MYOCD: variants seen among roughly 807,000 people sequenced by gnomAD.
MYOCD encodes myocardin.
A neutral mutation model predicts 96.1 loss-of-function variants in MYOCD; 32 were observed. That is an observed-to-expected ratio of 0.33 (90% confidence interval 0.25 to 0.45). MYOCD has a LOEUF of 0.45. Ranked by LOEUF, MYOCD falls within the 20% of genes least tolerant of loss-of-function variation. The pLI is 1.00. For missense variants in MYOCD, 1,133 were observed against 1,200.6 expected, an observed-to-expected ratio of 0.94 and a Z score of 0.83; for synonymous variants, 469 against 469.0, an observed-to-expected ratio of 1.00 and a Z score of 0.00.
At chr17:12,732,004 G>A (rs555608123) in intron 5 of MYOCD, among the ~76,000 whole-genome samples, 4 of 152,328 alleles carry the variant, frequency 2.6e-5, no homozygotes, top group African/African-American at 9.6e-5. Flanking sequence ...CCCATGGTGA[G>A]ATCTTGTGGC....
intron 1 of MYOCD, among the ~76,000 whole-genome samples, chr17:12,673,652 A>G (rs971946506): frequency 2.6e-5 from 4 of 152,244 alleles, no homozygotes; most frequent in African/African-American, 9.6e-5. Flanking sequence ...CATGTAAAGA[A>G]AGAAAATATT....
chr17:12,700,428 T>TTTTTTTTTC (rs397856913), intron 1 of MYOCD, among the ~76,000 whole-genome samples: 40 of 140,960 alleles, frequency 2.8e-4, no homozygotes, highest in Non-Finnish European at 5.1e-4. Flanking sequence ...TTTTTTTTTT[T>TTTTTTTTTC]GAGATGGAGT....
chr17:12,753,016 C>G lies in MYOCD; in HGVS notation c.1728C>G (p.Val576=). 6.2e-7 allele frequency: 1 copy of G among 1,614,162 alleles called. No homozygotes were observed. Among genetic ancestry groups the G allele is most frequent in the Non-Finnish European group, 8.5e-7 (1 of 1,180,014 alleles). ...LAASIKQEEA[V]SSCPFASQVP... is the part of the protein sequence containing the mutation. ...CCTCCATCAAGCAGGAAGAGGCTGTCTCCAGCTGTCCTTTTGCATCCCAAG... is the reference window on the plus strand; with the variant it reads ...CCTCCATCAAGCAGGAAGAGGCTGTGTCCAGCTGTCCTTTTGCATCCCAAG... The change falls in exon 10 of 14, where the codon GTC becomes GTG. Residue 576 remains valine (V), a synonymous_variant. Transcript: ENST00000425538.
At chr17:12,754,818 T>C (rs1567601016) in intron 10 of MYOCD, among the ~76,000 whole-genome samples, 1 of 152,246 alleles carries the variant, frequency 6.6e-6, no homozygotes, top group Non-Finnish European at 1.5e-5. Context: ...TGCCAAGCAT[T>C]ACAAGGCATG....
chr17:12,746,727 C>CTTTTTTTT, intron 9 of MYOCD, among the ~76,000 whole-genome samples: 1 of 114,896 alleles, frequency 8.7e-6, no homozygotes, highest in Non-Finnish European at 1.7e-5. Flanking sequence ...TGGTGCCTAC[C>CTTTTTTTT]TTTTTTTTTT....
intron 7 of MYOCD, 26 bp from the exon 8 acceptor site, chr17:12,744,157 A>G (rs781717248): frequency 3.9e-5 from 63 of 1,610,354 alleles, no homozygotes; most frequent in Non-Finnish European, 5.3e-5. Context: ...CCTAAAGCAC[A>G]TGCAATTTCC....
At chr17:12,702,903 A>T (rs2031138432) in intron 1 of MYOCD, among the ~76,000 whole-genome samples, 2 of 151,970 alleles carry the variant, frequency 1.3e-5, no homozygotes, top group African/African-American at 4.8e-5. Flanking sequence ...AAAGTTGTAT[A>T]TGTTTAAGAA....
At position 12,756,567 on chromosome 17, in the gene MYOCD, T is replaced by C. The variant is rs1001349277; in HGVS notation, c.2202+10T>C. The stretch of plus-strand genomic sequence containing the variant: ...ATGTGTACAGCAAAAGGTAGGCACC[T>C]GAAAAAAGGCCTCAACCTGGGATTC... On this transcript the variant is annotated intron_variant, in intron 11 of 13. Transcript: ENST00000425538. 16 of 1,545,460 alleles carry C rather than the reference T, an allele frequency of 1.0e-5. No individual in the cohort carries two copies. Among genetic ancestry groups the C allele is most frequent in the Non-Finnish European group, 1.4e-5 (16 of 1,143,820 alleles).
intron 9 of MYOCD, among the ~76,000 whole-genome samples, chr17:12,749,385 C>T (rs1263842382): frequency 6.6e-6 from 1 of 151,702 alleles, no homozygotes; most frequent in African/African-American, 2.4e-5. Context: ...AAAAATTAGC[C>T]GGGTGTGGTG....
At chr17:12,735,196 A>T (rs1482569727) in intron 5 of MYOCD, among the ~76,000 whole-genome samples, 1 of 152,242 alleles carries the variant, frequency 6.6e-6, no homozygotes, top group Non-Finnish European at 1.5e-5. Flanking sequence ...TGATTGCAGA[A>T]TATCAGACTG....
At chr17:12,680,578 C>T (rs1388569692) in intron 1 of MYOCD, among the ~76,000 whole-genome samples, 2 of 152,120 alleles carry the variant, frequency 1.3e-5, no homozygotes, top group African/African-American at 2.4e-5. Context: ...GTCCTTTTCC[C>T]GGAGGCCCCT....
intron 5 of MYOCD, among the ~76,000 whole-genome samples, chr17:12,727,607 G>A (rs1362758576): frequency 1.3e-5 from 2 of 152,070 alleles, no homozygotes; most frequent in Non-Finnish European, 2.9e-5. Flanking sequence ...CTGCAGCTGT[G>A]TTTCTGAGTT....
At position 12,706,246 on chromosome 17, in the gene MYOCD, G is replaced by A. The variant is rs550134965; in HGVS notation, c.121+1053G>A. 24 of 152,248 alleles carry A rather than the reference G, an allele frequency of 1.6e-4. No individual in the cohort carries two copies. The East Asian group carries it at 3.5e-3, about 22-fold the overall frequency. 9.4% of individuals were successfully genotyped at this position (152,248 alleles called of 1,614,324 possible). A position where few individuals can be genotyped will look rare whatever the true frequency, so the allele number is the denominator to read the frequency against. ...CTTAAAGTGGGACAACTCTGTTAGAGGTTTGTGAAGTACAAAAGAAACAGC... is the reference window on the plus strand; with the variant it reads ...CTTAAAGTGGGACAACTCTGTTAGAAGTTTGTGAAGTACAAAAGAAACAGC... On this transcript the variant is annotated intron_variant, in intron 2 of 13. Coordinates refer to ENST00000425538, the MANE Select transcript of MYOCD (RefSeq NM_001146312.3).
intron 7 of MYOCD, among the ~76,000 whole-genome samples, chr17:12,740,227 G>A (rs1290638846): frequency 6.6e-6 from 1 of 152,144 alleles, no homozygotes. Flanking sequence ...GAGCCACTGC[G>A]CCCGGCCCTT....
At position 12,701,220 on chromosome 17, in the gene MYOCD, T is replaced by G. The variant is rs546667728; in HGVS notation, c.56-3908T>G. 2.5e-4 allele frequency among the ~76,000 whole-genome samples: 38 copies of G among 152,192 alleles called. No homozygotes were observed. The South Asian group carries it at 3.5e-3, about 14-fold the overall frequency. On this transcript the variant is annotated intron_variant, in intron 1 of 13. Transcript: ENST00000425538. Reference sequence around the variant, plus strand: ...TGAGGTTAGGAGTTCTAGACCAACCTCACCAACATGGCGAAACCTCGTCTC... The same window carrying G: ...TGAGGTTAGGAGTTCTAGACCAACCGCACCAACATGGCGAAACCTCGTCTC...
rs1021303998 is a variant in MYOCD, at chr17:12,764,527, A to T, written c.*883A>T. On this transcript the variant is annotated 3_prime_UTR_variant, in exon 14 of 14. Transcript: ENST00000425538. ...TTGGTAGAAGTATATCTCGAGGCAC[A>T]GGAAGGGAGCCCCACCAGGGATAAT... 6.6e-6 allele frequency: 1 copy of T among 152,322 alleles called. No individual in the cohort carries two copies. The highest frequency in any genetic ancestry group is 2.4e-5 in the African/African-American group (1 of 41,490). 9.4% of individuals were successfully genotyped at this position (152,322 alleles called of 1,614,324 possible). A position where few individuals can be genotyped will look rare whatever the true frequency, so the allele number is the denominator to read the frequency against.
At chr17:12,760,764 G>A (rs2033147356) in intron 13 of MYOCD, 57 bp downstream of exon 13, 2 of 1,414,462 alleles carry the variant, frequency 1.4e-6, no homozygotes, top group Middle Eastern at 1.8e-4. Context: ...GAACTCTAAG[G>A]AATGAACTCT....
At chr17:12,718,689 G>A (rs1106626) in intron 4 of MYOCD, among the ~76,000 whole-genome samples, 3,051 of 152,228 alleles carry the variant, frequency 0.02, 147 homozygotes, top group Admixed American at 0.11. Flanking sequence ...TGTGTGGGAT[G>A]GGAGGCTTTG....
At chr17:12,691,444 G>A (rs924675349) in intron 1 of MYOCD, among the ~76,000 whole-genome samples, 1 of 152,080 alleles carries the variant, frequency 6.6e-6, no homozygotes, top group African/African-American at 2.4e-5. Context: ...ACTTGGTCGG[G>A]GCCATCACCT....
Sources: gnomAD v4.1 joint callset for allele counts (sites outside exome capture counted in the v4.1 genomes callset) on GRCh38, gnomAD v4.1.1 for gene constraint, MANE v1.5 for transcripts, NCBI Gene and HGNC (gene_info 2026-07-23, HGNC 2026-07-21) for gene names.